Variants in SIPA1L2 observed in about 807,000 individuals in gnomAD.
SIPA1L2 encodes signal induced proliferation associated 1 like 2, also known as signal-induced proliferation-associated 1-like protein 2.
In SIPA1L2, 56 loss-of-function variants were observed where a neutral mutation model predicts 163.9. That is an observed-to-expected ratio of 0.34 (90% CI 0.28 to 0.43). The LOEUF (loss-of-function observed/expected upper bound fraction) is 0.43. Ranked by LOEUF, SIPA1L2 falls within the 20% of genes least tolerant of loss-of-function variation. The pLI, the probability that SIPA1L2 is intolerant of heterozygous loss-of-function variation, is 1.00. For missense variants in SIPA1L2, 1,974 were observed against 2,193.5 expected (o/e 0.90, Z 2.00); for synonymous variants, 877 against 865.7 (o/e 1.01, Z -0.23).
chr1:232,418,144 T>C (rs1027655045), intron 18 of SIPA1L2, among the ~76,000 whole-genome samples: 7 of 152,212 alleles, frequency 4.6e-5, no homozygotes, highest in African/African-American at 1.7e-4. Flanking sequence ...ACACATTCTA[T>C]GTGCTACTTT....
intron 2 of SIPA1L2, among the ~76,000 whole-genome samples, chr1:232,527,841 C>T (rs1667787183): frequency 6.8e-6 from 1 of 147,442 alleles, no homozygotes; most frequent in South Asian, 2.1e-4. Context: ...AAGCGATCCT[C>T]CCACTTCACT....
chr1:232,613,777 C>T (rs139533949), intron 1 of SIPA1L2, among the ~76,000 whole-genome samples: 221 of 152,212 alleles, frequency 1.5e-3, no homozygotes, highest in African/African-American at 5.1e-3. Context: ...TTAGGGAGCA[C>T]AGAATATGAC....
chr1:232,514,860 G>A lies in SIPA1L2; in HGVS notation c.480C>T (p.Ser160=). The change falls in exon 3 of 23, where the codon AGC becomes AGT. Residue 160 remains serine (S), a synonymous_variant. Transcript: ENST00000674635. ...TGTCACTGATAGTGACATCACTATTGCTCCTCTGTCTTATGGGGTGAAGTC... is the reference window on the plus strand; with the variant it reads ...TGTCACTGATAGTGACATCACTATTACTCCTCTGTCTTATGGGGTGAAGTC... The part of the protein sequence containing the change: ...QRGLHPIRQR[S]NSDVTISDID... 4 of 1,614,136 alleles carry A rather than the reference G, an allele frequency of 2.5e-6. No individual in the cohort carries two copies. The highest frequency in any genetic ancestry group is 3.4e-6 in the Non-Finnish European group (4 of 1,180,032).
At chr1:232,485,757 T>C (rs1052690942) in intron 5 of SIPA1L2, among the ~76,000 whole-genome samples, 5 of 152,214 alleles carry the variant, frequency 3.3e-5, no homozygotes, top group African/African-American at 7.2e-5. Context: ...ACGATGTTAG[T>C]TGACTTCTCT....
intron 19 of SIPA1L2, among the ~76,000 whole-genome samples, chr1:232,414,553 T>C (rs1459169422): frequency 1.3e-5 from 2 of 152,154 alleles, no homozygotes; most frequent in African/African-American, 4.8e-5. Flanking sequence ...GGAAGGGCCC[T>C]GAGGCCTGAG....
intron 1 of SIPA1L2, among the ~76,000 whole-genome samples, chr1:232,610,303 T>C (rs1662172584): frequency 6.6e-6 from 1 of 152,072 alleles, no homozygotes; most frequent in Non-Finnish European, 1.5e-5. Flanking sequence ...AGAGAAGGGC[T>C]GTGCTAGGTG....
At chr1:232,579,516 C>A (rs917441356) in intron 1 of SIPA1L2, among the ~76,000 whole-genome samples, 6 of 152,178 alleles carry the variant, frequency 3.9e-5, no homozygotes, top group Non-Finnish European at 7.3e-5. Context: ...GGAGGCAGGG[C>A]ATTTCCTACA....
intron 1 of SIPA1L2, among the ~76,000 whole-genome samples, chr1:232,590,045 G>A (rs903047288): frequency 2.0e-5 from 3 of 152,096 alleles, no homozygotes; most frequent in Non-Finnish European, 4.4e-5. Context: ...TCCTCTGAGG[G>A]CTTCCAGAGC....
At chr1:232,409,313 C>T (rs1660817406) in intron 19 of SIPA1L2, among the ~76,000 whole-genome samples, 1 of 152,110 alleles carries the variant, frequency 6.6e-6, no homozygotes, top group South Asian at 2.1e-4. Context: ...TAAAGCGTTC[C>T]TTGGAATTCT....
At chr1:232,598,477 T>C (rs2102847780) in intron 1 of SIPA1L2, among the ~76,000 whole-genome samples, 1 of 152,296 alleles carries the variant, frequency 6.6e-6, no homozygotes, top group Non-Finnish European at 1.5e-5. Context: ...GATTCATCCA[T>C]AAAGCATCAG....
At chr1:232,402,672 G>A in intron 21 of SIPA1L2, 199 bp from the exon 22 acceptor site, 1 of 447,298 alleles carries the variant, frequency 2.2e-6, no homozygotes, top group Non-Finnish European at 4.0e-6. Flanking sequence ...TTTAAAAAGA[G>A]ATGCAGAAAC....
Position 232,514,743 on chromosome 1 carries a change from G to T in SIPA1L2, c.597C>A (p.Asp199Glu). 6.2e-7 allele frequency: 1 copy of T among 1,614,234 alleles called. No homozygotes were observed. Among genetic ancestry groups the T allele is most frequent in the Non-Finnish European group, 8.5e-7 (1 of 1,180,044 alleles). Residue 199 changes from aspartate to glutamate, a missense_variant, in exon 3 of 23, where the codon GAC (aspartate) becomes GAA (glutamate). Physicochemically the swap from Asp to Glu is conservative, Grantham distance 45. This residue lies in a region of SIPA1L2 where 607 missense variants were observed against 624.0 expected (regional missense o/e 0.97). Transcript: ENST00000674635. ...HREYGSTSSI[D>E]RQGLSGENFF... ...AGTTTTCACCAGATAAGCCTTGCCT[G>T]TCGATGGATGAAGTACTTCCATACT... is the stretch of plus-strand genomic sequence containing the variant.
intron 9 of SIPA1L2, among the ~76,000 whole-genome samples, chr1:232,463,034 A>G (rs1362208678): frequency 2.0e-5 from 3 of 152,158 alleles, no homozygotes; most frequent in African/African-American, 7.2e-5. Context: ...TGGCTATGTA[A>G]TTTGTGGGGC....
intron 18 of SIPA1L2, among the ~76,000 whole-genome samples, chr1:232,425,289 T>C (rs1017720080): frequency 6.6e-6 from 1 of 151,976 alleles, no homozygotes; most frequent in African/African-American, 2.4e-5. Context: ...CTAAAGACAT[T>C]TTTTTCCTTT....
intron 1 of SIPA1L2, among the ~76,000 whole-genome samples, chr1:232,621,003 C>T (rs1432385736): frequency 6.6e-6 from 1 of 152,166 alleles, no homozygotes; most frequent in East Asian, 1.9e-4. Context: ...CTGGCTTAAA[C>T]AAAGATTATG....
intron 3 of SIPA1L2, among the ~76,000 whole-genome samples, chr1:232,511,404 G>T (rs760582654): frequency 1.3e-5 from 2 of 152,166 alleles, no homozygotes; most frequent in Non-Finnish European, 2.9e-5. Context: ...ACCAGATGCA[G>T]TGTAAATATC....
At chr1:232,455,866 G>A (rs895809648) in intron 10 of SIPA1L2, among the ~76,000 whole-genome samples, 3 of 152,154 alleles carry the variant, frequency 2.0e-5, no homozygotes, top group Non-Finnish European at 4.4e-5. Flanking sequence ...ACCAAATGCT[G>A]TCATGTTCTT....
chr1:232,412,306 C>T (rs1220283225), intron 19 of SIPA1L2, among the ~76,000 whole-genome samples: 1 of 152,064 alleles, frequency 6.6e-6, no homozygotes, highest in Non-Finnish European at 1.5e-5. Flanking sequence ...GATCTCAATC[C>T]AATAGGCAGG....
At chr1:232,542,971 A>C (rs991591306) in intron 2 of SIPA1L2, among the ~76,000 whole-genome samples, 1 of 152,218 alleles carries the variant, frequency 6.6e-6, no homozygotes, top group Non-Finnish European at 1.5e-5. Context: ...TAATTCCCTC[A>C]GATTCAGAAA....
Sources: allele counts gnomAD v4.1 joint callset (sites outside exome capture counted in the v4.1 genomes callset), GRCh38; gene constraint gnomAD v4.1.1; regional missense constraint gnomAD v4.1.1; transcripts MANE v1.5; gene names NCBI Gene and HGNC (gene_info 2026-07-23, HGNC 2026-07-21).